The following SDHA variants were observed in gnomAD, a reference collection of about 807,000 sequenced individuals.
The protein encoded by SDHA is succinate dehydrogenase complex flavoprotein subunit A.
A neutral mutation model predicts 78.4 loss-of-function variants in SDHA; 48 were observed. That is an observed-to-expected ratio of 0.61 (90% CI 0.49 to 0.78). The LOEUF (loss-of-function observed/expected upper bound fraction) is 0.78. Ranked by LOEUF, SDHA falls within the 30% of genes least tolerant of loss-of-function variation. The probability of loss-of-function intolerance (pLI) is 0.00; values close to 1 mark genes in which losing one functional copy is unlikely to be tolerated. For synonymous variants in SDHA, 326 were observed against 353.9 expected (o/e 0.92, Z 0.88); for missense variants, 680 against 892.7 (o/e 0.76, Z 3.04).
chr5:235,457 T>C (rs1735719808), intron 9 of SDHA, 118 bp downstream of exon 9: 3 of 1,024,644 alleles, frequency 2.9e-6, no homozygotes, highest in African/African-American at 1.6e-5. Flanking sequence ...AAGAAAGTAC[T>C]GTATTGTTTT....
chr5:252,239 G>T, intron 13 of SDHA, among the ~76,000 whole-genome samples: 1 of 130,658 alleles, frequency 7.7e-6, no homozygotes, highest in East Asian at 2.2e-4. Context: ...ATTAAATAAG[G>T]AGTAAGCCAC....
At chr5:263,119 T>C in the SDHA span, among the ~76,000 whole-genome samples, 1 of 152,014 alleles carries the variant, frequency 6.6e-6, no homozygotes, top group African/African-American at 2.4e-5. Context: ...TTTATATTTT[T>C]TACAGAGACA....
intron 10 of SDHA, among the ~76,000 whole-genome samples, chr5:238,645 G>A (rs1397876673): frequency 2.0e-5 from 3 of 152,088 alleles, no homozygotes; most frequent in African/African-American, 4.8e-5. Context: ...GGTTACATGC[G>A]CCTATACATG....
Position 225,419 on chromosome 5 carries a change from G to T in SDHA, c.313G>T (p.Gly105Ter). Residue 105 changes from glycine to a stop codon, truncating the protein, a stop_gained and splice_region_variant, in exon 4 of 15, where the codon GGA becomes TGA. Coordinates refer to ENST00000264932, the MANE Select transcript of SDHA (RefSeq NM_004168.4). LOFTEE classifies it high-confidence loss of function. ...TGTAAGGAGTGGTTGGTGTTTCCAG[G>T]GAGGAATCAATGCTGCTCTGGGGAA... ...PTRSHTVAAQ[G>*]GINAALGNME... 1 of 1,612,416 alleles carries T rather than the reference G, an allele frequency of 6.2e-7. No homozygotes were observed. Among genetic ancestry groups the T allele is most frequent in the East Asian group, 2.2e-5 (1 of 44,880 alleles).
chr5:252,519 C>T lies in SDHA; in HGVS notation c.1794+1051C>T, dbSNP rs1455765255. On this transcript the variant is annotated intron_variant, in intron 13 of 14. Transcript: ENST00000264932. ...TGTGGAGGAAATGCCAGTTTATTAA[C>T]GAGTAAGTCACCGTTTCAAACCTGC... Among the ~76,000 whole-genome samples the T allele has an allele frequency of 1.1e-4, 16 of 140,336 alleles. 1 individual carries two copies. The highest frequency in any genetic ancestry group is 5.8e-4 in the Admixed American group (8 of 13,676). The allele number at this position is 140,336 out of a possible 152,430, so 92.1% of individuals were successfully genotyped here.
At chr5:227,338 A>G (rs62347677) in intron 5 of SDHA, among the ~76,000 whole-genome samples, 36,020 of 152,240 alleles carry the variant, frequency 0.24, 6,663 homozygotes, top group African/African-American at 0.52. Flanking sequence ...AACTGTTAAC[A>G]CTGAAGAAAG....
intron 7 of SDHA, among the ~76,000 whole-genome samples, chr5:231,919 G>C (rs561707450): frequency 6.6e-6 from 1 of 152,154 alleles, no homozygotes; most frequent in African/African-American, 2.4e-5. Flanking sequence ...TCTTGGGGAC[G>C]TCTGACGGTT....
chr5:243,191 T>C lies in SDHA; in HGVS notation c.1551+2715T>C, dbSNP rs565967502. On this transcript the variant is annotated intron_variant, in intron 11 of 14. Transcript: ENST00000264932. Reference sequence around the variant, plus strand: ...CACCCTGCAGATCAACAGGGAAATATTACAGCTACATTTGAGCCTTTTCCC... The same window carrying C: ...CACCCTGCAGATCAACAGGGAAATACTACAGCTACATTTGAGCCTTTTCCC... Among the ~76,000 whole-genome samples the C allele has an allele frequency of 5.9e-5, 9 of 152,316 alleles. No individual in the cohort carries two copies. In the South Asian group the frequency reaches 1.9e-3, roughly 32 times the overall value.
In SDHA at chr5:220,815, A is replaced by ATTTTTTTT. The variant is rs753343756; in HGVS notation, c.63+2405_63+2412dup. ...TGCACAGTAACCATGTGTGAACTGA[A>ATTTTTTTT]TTTTTTTTTTTTTTTGAGACAGAGT... is the stretch of plus-strand genomic sequence containing the variant. On this transcript the variant is annotated intron_variant, in intron 1 of 14. Transcript: ENST00000264932. Among the ~76,000 whole-genome samples, 755 of 139,040 alleles carry ATTTTTTTT rather than the reference A, an allele frequency of 5.4e-3. 8 individuals are homozygous for ATTTTTTTT. The highest frequency in any genetic ancestry group is 7.4e-3 in the Middle Eastern group (2 of 270). The allele number at this position is 139,040 out of a possible 152,430, so 91.2% of individuals were successfully genotyped here. A position where few individuals can be genotyped will look rare whatever the true frequency, so the allele number is the denominator to read the frequency against.
intron 9 of SDHA, 48 bp from the exon 10 acceptor site, chr5:236,380 G>A (rs772644807): frequency 1.3e-6 from 2 of 1,575,830 alleles, no homozygotes; most frequent in Admixed American, 1.7e-5. Flanking sequence ...GTGGGCTGGT[G>A]GAGGCATGGG....
intron 9 of SDHA, chr5:235,565 T>C: frequency 1.7e-6 from 1 of 590,098 alleles, no homozygotes; most frequent in Non-Finnish European, 3.1e-6. Context: ...TTTGCAGCTT[T>C]TTCCATTTTG....
At chr5:234,811 C>T in intron 8 of SDHA, 3 of 363,646 alleles carry the variant, frequency 8.2e-6, no homozygotes, top group South Asian at 7.7e-5. Flanking sequence ...CCCAACCTGC[C>T]ACGGATACGC....
intron 13 of SDHA, 173 bp downstream of exon 13, chr5:251,641 T>A: frequency 6.5e-7 from 1 of 1,531,358 alleles, no homozygotes; most frequent in South Asian, 1.2e-5. Context: ...ATCTTCTGGA[T>A]CACTGTGACC....
intron 5 of SDHA, among the ~76,000 whole-genome samples, chr5:227,299 C>G (rs1301354709): frequency 3.3e-5 from 5 of 152,198 alleles, no homozygotes; most frequent in Non-Finnish European, 7.3e-5. Flanking sequence ...CGTGAGCCAC[C>G]GCACCCGGCC....
intron 11 of SDHA, chr5:250,729 G>A (rs1706347075): frequency 2.3e-6 from 1 of 434,588 alleles, no homozygotes; most frequent in African/African-American, 2.0e-5. Flanking sequence ...TGGAGTCCTG[G>A]ACCCTGGCTG....
At chr5:224,209 A>G in intron 2 of SDHA, 151 bp from the exon 3 acceptor site, 1 of 852,234 alleles carries the variant, frequency 1.2e-6, no homozygotes, top group South Asian at 1.4e-5. Flanking sequence ...CTCTCCCCGA[A>G]CTGTTCAGGG....
intron 11 of SDHA, among the ~76,000 whole-genome samples, chr5:244,555 C>G (rs948253557): frequency 6.6e-6 from 1 of 152,128 alleles, no homozygotes; most frequent in African/African-American, 2.4e-5. Flanking sequence ...AATCAAATTA[C>G]TGATAAACGT....
chr5:222,301 A>AC (rs1034477634), intron 1 of SDHA, among the ~76,000 whole-genome samples: 5 of 151,476 alleles, frequency 3.3e-5, no homozygotes, highest in Middle Eastern at 3.2e-3. Flanking sequence ...GACATTCCTC[A>AC]CATCCCCTCT....
chr5:265,039 C>G, the SDHA span, among the ~76,000 whole-genome samples: 1 of 152,170 alleles, frequency 6.6e-6, no homozygotes, highest in Non-Finnish European at 1.5e-5. Context: ...GAAACCCCAT[C>G]TCTACTAAAA....
Sources: allele counts gnomAD v4.1 joint callset (sites outside exome capture counted in the v4.1 genomes callset), GRCh38; gene constraint gnomAD v4.1.1; transcripts MANE v1.5; gene names NCBI Gene and HGNC (gene_info 2026-07-23, HGNC 2026-07-21).